MSI2: variants seen among roughly 807,000 people sequenced by gnomAD.
MSI2 encodes RNA-binding protein Musashi homolog 2.
A neutral mutation model predicts 45.6 loss-of-function variants in MSI2; 17 were observed. The ratio of observed to expected loss-of-function variants is 0.37; its 90% CI spans 0.26 to 0.56. MSI2 has a LOEUF of 0.56. Ranked by LOEUF, MSI2 falls within the 20% of genes least tolerant of loss-of-function variation. The pLI is 0.77. For synonymous variants in MSI2, 156 were observed against 158.2 expected (o/e 0.99, Z 0.11); for missense variants, 293 against 444.2 (o/e 0.66, Z 3.06).
At chr17:57,497,036 G>A (rs1249109630) in intron 6 of MSI2, among the ~76,000 whole-genome samples, 6 of 152,120 alleles carry the variant, frequency 3.9e-5, no homozygotes, top group Non-Finnish European at 8.8e-5. Flanking sequence ...GGAGTGCGAT[G>A]GTGCAATCTC....
chr17:57,392,410 T>G (rs1296443246), intron 5 of MSI2, among the ~76,000 whole-genome samples: 2 of 152,220 alleles, frequency 1.3e-5, no homozygotes, highest in African/African-American at 2.4e-5. Flanking sequence ...CAAGATCACC[T>G]TCTCCTGTAG....
chr17:57,373,540 A>C (rs572046254), intron 5 of MSI2, among the ~76,000 whole-genome samples: 1 of 152,232 alleles, frequency 6.6e-6, no homozygotes. Flanking sequence ...GGGCATTAAA[A>C]TGCTTCCAGA....
At chr17:57,338,450 C>T (rs768063522) in intron 5 of MSI2, among the ~76,000 whole-genome samples, 16 of 152,208 alleles carry the variant, frequency 1.1e-4, no homozygotes, top group African/African-American at 2.2e-4. Flanking sequence ...TGCAATGGCA[C>T]GATCTAGGCT....
intron 11 of MSI2, among the ~76,000 whole-genome samples, chr17:57,663,713 T>C (rs920934068): frequency 9.9e-5 from 15 of 152,164 alleles, no homozygotes; most frequent in African/African-American, 3.1e-4. Flanking sequence ...TCCTTCTGTG[T>C]TTTCTGGCTT....
At chr17:57,662,772 A>G (rs749733595) in intron 11 of MSI2, among the ~76,000 whole-genome samples, 42 of 152,226 alleles carry the variant, frequency 2.8e-4, no homozygotes, top group Non-Finnish European at 4.7e-4. Context: ...AGGAGGCGGT[A>G]TAAGTATTTT....
In MSI2 at chr17:57,596,174, G is replaced by A. The variant is rs553373575; in HGVS notation, c.455-694G>A. On this transcript the variant is annotated intron_variant, in intron 7 of 13. Coordinates refer to ENST00000284073, the MANE Select transcript of MSI2 (RefSeq NM_138962.4). The surrounding 1 kb of genome is among the most constrained non-coding windows in gnomAD (Gnocchi z 4.6). ...GGGTAGGAGAGGAACTGAGGATACT[G>A]AGCAGCAGTCGCCTGCCAAAATTCT... 6.6e-5 allele frequency among the ~76,000 whole-genome samples: 10 copies of A among 152,336 alleles called. No homozygotes were observed. The highest frequency in any genetic ancestry group is 1.0e-4 in the Non-Finnish European group (7 of 68,030).
intron 10 of MSI2, among the ~76,000 whole-genome samples, chr17:57,644,055 C>T (rs530868601): frequency 6.4e-4 from 97 of 152,332 alleles, no homozygotes; most frequent in African/African-American, 2.3e-3. Context: ...CACTCACTCC[C>T]CAGCACCCCC....
chr17:57,613,884 G>A (rs1907413749), intron 8 of MSI2, among the ~76,000 whole-genome samples: 2 of 152,142 alleles, frequency 1.3e-5, no homozygotes, highest in African/African-American at 4.8e-5. Flanking sequence ...AAGAGCAAGA[G>A]TAATACCTGT....
chr17:57,317,630 C>T (rs1912963274), intron 5 of MSI2, among the ~76,000 whole-genome samples: 1 of 151,538 alleles, frequency 6.6e-6, no homozygotes, highest in South Asian at 2.1e-4. Context: ...CCTGCCTCAG[C>T]CCCCCATGTA....
the MSI2 span, among the ~76,000 whole-genome samples, chr17:57,698,420 C>T: frequency 6.6e-6 from 1 of 152,184 alleles, no homozygotes; most frequent in Non-Finnish European, 1.5e-5. Flanking sequence ...ATCCCTGCCT[C>T]AGCTATGTGA....
chr17:57,508,273 A>G (rs2086279830), intron 6 of MSI2, among the ~76,000 whole-genome samples: 1 of 151,876 alleles, frequency 6.6e-6, no homozygotes, highest in African/African-American at 2.4e-5. Flanking sequence ...CTGCAACCAC[A>G]CCACCCCTTC....
At chr17:57,411,546 A>G (rs1299943292) in intron 6 of MSI2, among the ~76,000 whole-genome samples, 2 of 152,198 alleles carry the variant, frequency 1.3e-5, no homozygotes, top group Non-Finnish European at 2.9e-5. Flanking sequence ...GAAGACTAGG[A>G]GAGCATAAAT....
At chr17:57,458,578 A>G (rs1173623189) in intron 6 of MSI2, among the ~76,000 whole-genome samples, 1 of 152,096 alleles carries the variant, frequency 6.6e-6, no homozygotes, top group Non-Finnish European at 1.5e-5. Flanking sequence ...CAGGAGCACA[A>G]AGTCTCTGAC....
chr17:57,510,104 G>A lies in MSI2; in HGVS notation c.406-19572G>A, dbSNP rs138839954. Among the ~76,000 whole-genome samples, 401 of 152,144 alleles carry A rather than the reference G, an allele frequency of 2.6e-3. 9 individuals carry two copies. Among genetic ancestry groups the A allele is most frequent in the African/African-American group, 8.7e-3 (360 of 41,398 alleles). On this transcript the variant is annotated intron_variant, in intron 6 of 13. Coordinates refer to ENST00000284073, the MANE Select transcript of MSI2 (RefSeq NM_138962.4). ...TAATTGCGCTGTTTGTCACACCACC[G>A]TTCTGCCCCACGAGGTTTCCCCATC...
intron 7 of MSI2, among the ~76,000 whole-genome samples, chr17:57,564,497 G>T (rs2087680539): frequency 6.6e-6 from 1 of 152,204 alleles, no homozygotes; most frequent in South Asian, 2.1e-4. Context: ...CGAGGTTGGG[G>T]TGATGATGAT....
intron 6 of MSI2, among the ~76,000 whole-genome samples, chr17:57,476,258 A>G (rs1323196842): frequency 1.3e-5 from 2 of 152,076 alleles, no homozygotes; most frequent in Non-Finnish European, 2.9e-5. Flanking sequence ...AAGTCAAGGG[A>G]AGATGAGGCT....
chr17:57,328,314 T>TATCC (rs1212403923), intron 5 of MSI2, among the ~76,000 whole-genome samples: 3 of 114,422 alleles, frequency 2.6e-5, no homozygotes, highest in Non-Finnish European at 4.9e-5. Flanking sequence ...TGCATCCATT[T>TATCC]ATCCATCCAT....
At chr17:57,315,468 C>T (rs142396584) in intron 5 of MSI2, among the ~76,000 whole-genome samples, 1 of 152,024 alleles carries the variant, frequency 6.6e-6, no homozygotes, top group African/African-American at 2.4e-5. Context: ...GGCAGATATG[C>T]GGGTGGAAGA....
At chr17:57,491,270 C>A (rs2143807617) in intron 6 of MSI2, among the ~76,000 whole-genome samples, 1 of 152,350 alleles carries the variant, frequency 6.6e-6, no homozygotes, top group African/African-American at 2.4e-5. Context: ...CAAAGCCCGG[C>A]AGAGGCATTG....
Sources: allele counts gnomAD v4.1 joint callset (sites outside exome capture counted in the v4.1 genomes callset), GRCh38; gene constraint gnomAD v4.1.1; non-coding constraint Gnocchi (gnomAD v3.1); transcripts MANE v1.5; gene names NCBI Gene and HGNC (gene_info 2026-07-23, HGNC 2026-07-21).